Variants in GRID1 observed in about 807,000 individuals in gnomAD.
GRID1 encodes the protein glutamate ionotropic receptor delta type subunit 1.
A neutral mutation model predicts 98.0 loss-of-function variants in GRID1; 28 were observed. That is an observed-to-expected ratio of 0.29 (90% CI 0.21 to 0.39). GRID1 has a LOEUF of 0.39. Ranked by LOEUF, GRID1 falls within the 10% of genes least tolerant of loss-of-function variation. The probability of loss-of-function intolerance (pLI) is 1.00; values close to 1 mark genes in which losing one functional copy is unlikely to be tolerated. For synonymous variants in GRID1, 553 were observed against 538.5 expected (o/e 1.03, Z -0.37); for missense variants, 1,111 against 1,340.5 (o/e 0.83, Z 2.67).
chr10:86,188,879 A>G (rs1845762808), intron 3 of GRID1, among the ~76,000 whole-genome samples: 1 of 152,184 alleles, frequency 6.6e-6, no homozygotes, highest in African/African-American at 2.4e-5. Context: ...GTGGCAGAGC[A>G]TAAGTTGAGC....
chr10:85,887,589 A>G (rs1220471914), intron 5 of GRID1, among the ~76,000 whole-genome samples: 2 of 152,146 alleles, frequency 1.3e-5, no homozygotes, highest in African/African-American at 4.8e-5. Context: ...TGGGCACATT[A>G]ATGTTTGAGA....
At chr10:86,029,703 G>A (rs1340323616) in intron 4 of GRID1, among the ~76,000 whole-genome samples, 5 of 151,300 alleles carry the variant, frequency 3.3e-5, no homozygotes, top group Non-Finnish European at 5.9e-5. Flanking sequence ...GAATCTAGTG[G>A]TGATCTTCTG....
intron 3 of GRID1, among the ~76,000 whole-genome samples, chr10:86,174,334 G>A (rs1014382452): frequency 7.9e-5 from 12 of 152,102 alleles, no homozygotes; most frequent in African/African-American, 2.4e-4. Flanking sequence ...CAGAAATAAC[G>A]CCACATATCT....
intron 8 of GRID1, among the ~76,000 whole-genome samples, chr10:85,833,353 G>C (rs1171171582): frequency 6.6e-6 from 1 of 151,960 alleles, no homozygotes; most frequent in Non-Finnish European, 1.5e-5. Flanking sequence ...ATACTTCTTG[G>C]GAATCACAAA....
chr10:86,190,145 C>T (rs1000988294), intron 3 of GRID1, among the ~76,000 whole-genome samples: 8 of 152,178 alleles, frequency 5.3e-5, no homozygotes, highest in African/African-American at 1.9e-4. Context: ...CATCTAGTCG[C>T]CCACCCCCAA....
In GRID1 at chr10:86,192,103, GGA is replaced by G. The variant is rs1267474228; in HGVS notation, c.520+14259_520+14260del. Among the ~76,000 whole-genome samples, 2 of 152,076 alleles carry G rather than the reference GGA, an allele frequency of 1.3e-5. No homozygotes were observed. The highest frequency in any genetic ancestry group is 2.4e-5 in the African/African-American group (1 of 41,384). ...TTTGGTGGCAGAATGAAGGATGAAT[GGA>G]TGTCTTCCAAACAGTGTGGCACAAA... On this transcript the variant is annotated intron_variant, in intron 3 of 15. Coordinates refer to ENST00000327946, the MANE Select transcript of GRID1 (RefSeq NM_017551.3). This position sits in a 1 kb window ranked among gnomAD's most constrained non-coding sequence, Gnocchi z 4.8.
At chr10:86,078,440 C>A (rs938295484) in intron 4 of GRID1, among the ~76,000 whole-genome samples, 1 of 152,216 alleles carries the variant, frequency 6.6e-6, no homozygotes, top group Non-Finnish European at 1.5e-5. Flanking sequence ...GTGGGTGGAA[C>A]GGGTGCTCCG....
intron 4 of GRID1, among the ~76,000 whole-genome samples, chr10:86,016,101 C>A (rs1348677776): frequency 6.7e-6 from 1 of 150,368 alleles, no homozygotes; most frequent in Non-Finnish European, 1.5e-5. Flanking sequence ...AGGAAGTAAA[C>A]AAGAGGCTGA....
At chr10:86,099,725 TCTC>T (rs747316355) in intron 4 of GRID1, among the ~76,000 whole-genome samples, 36 of 152,274 alleles carry the variant, frequency 2.4e-4, no homozygotes, top group Admixed American at 2.2e-3. Context: ...GTGTCTGTGA[TCTC>T]CTTAGACCAG....
At chr10:85,809,457 C>T (rs1229318481) in intron 8 of GRID1, among the ~76,000 whole-genome samples, 1 of 152,112 alleles carries the variant, frequency 6.6e-6, no homozygotes, top group African/African-American at 2.4e-5. Flanking sequence ...ACTCCCAAAA[C>T]TCAAACACAG....
intron 8 of GRID1, among the ~76,000 whole-genome samples, chr10:85,784,541 C>A (rs1842408460): frequency 6.6e-6 from 1 of 152,242 alleles, no homozygotes; most frequent in African/African-American, 2.4e-5. Flanking sequence ...ATCTCCCTTT[C>A]CCCCTTCTAC....
chr10:86,314,309 G>A (rs1185955499), intron 2 of GRID1, among the ~76,000 whole-genome samples: 1 of 152,186 alleles, frequency 6.6e-6, no homozygotes, highest in African/African-American at 2.4e-5. Flanking sequence ...AGCATGGATG[G>A]GACAGGTCCC....
At chr10:85,897,103 A>G (rs1841304129) in intron 5 of GRID1, among the ~76,000 whole-genome samples, 1 of 152,232 alleles carries the variant, frequency 6.6e-6, no homozygotes, top group South Asian at 2.1e-4. Context: ...AATGACGTAT[A>G]TAAGGCTGTT....
At chr10:86,042,582 A>C (rs2131899892) in intron 4 of GRID1, among the ~76,000 whole-genome samples, 1 of 152,242 alleles carries the variant, frequency 6.6e-6, no homozygotes, top group South Asian at 2.1e-4. Context: ...GTATTGTAAC[A>C]CCCAAACTGT....
chr10:85,619,756 T>C lies in GRID1; in HGVS notation c.2360+111A>G, dbSNP rs537577877. The C allele has an allele frequency of 2.7e-5, 22 of 810,650 alleles. No homozygotes were observed. In the South Asian group the frequency reaches 3.8e-4, roughly 14 times the overall value. 50.2% of individuals were successfully genotyped at this position (810,650 alleles called of 1,614,324 possible). ...GGGACATAGTATGTGCTTGGGAAAATATGACGAACAAAGATGTTTGCATTG... is the reference window on the plus strand; with the variant it reads ...GGGACATAGTATGTGCTTGGGAAAACATGACGAACAAAGATGTTTGCATTG... On this transcript the variant is annotated intron_variant, in intron 14 of 15. Coordinates refer to ENST00000327946, the MANE Select transcript of GRID1 (RefSeq NM_017551.3).
intron 2 of GRID1, among the ~76,000 whole-genome samples, chr10:86,329,075 T>G (rs1848098707): frequency 1.3e-5 from 2 of 152,234 alleles, no homozygotes; most frequent in African/African-American, 4.8e-5. Context: ...AGCAAAGCCC[T>G]GGCTCAGAGA....
At chr10:86,284,441 C>T (rs1228919400) in intron 2 of GRID1, among the ~76,000 whole-genome samples, 3 of 152,234 alleles carry the variant, frequency 2.0e-5, no homozygotes, top group South Asian at 2.1e-4. Flanking sequence ...ATCTCCAAGC[C>T]GTGGAGACTA....
chr10:86,156,628 C>G (rs1261366805), intron 3 of GRID1, among the ~76,000 whole-genome samples: 1 of 152,232 alleles, frequency 6.6e-6, no homozygotes, highest in Non-Finnish European at 1.5e-5. Flanking sequence ...AGGTGAGTTT[C>G]TGTCACCCAT....
At chr10:85,989,872 C>G (rs139639140) in intron 4 of GRID1, among the ~76,000 whole-genome samples, 1 of 152,288 alleles carries the variant, frequency 6.6e-6, no homozygotes, top group Non-Finnish European at 1.5e-5. Flanking sequence ...GGACATGGAA[C>G]CTTTGGGAGG....
Sources: gnomAD v4.1 joint callset for allele counts (sites outside exome capture counted in the v4.1 genomes callset) on GRCh38, gnomAD v4.1.1 for gene constraint, Gnocchi (gnomAD v3.1) non-coding constraint, MANE v1.5 for transcripts, NCBI Gene and HGNC (gene_info 2026-07-23, HGNC 2026-07-21) for gene names.